PCIF1: variants seen among roughly 807,000 people sequenced by gnomAD.
PCIF1 encodes the protein mRNA (2'-O-methyladenosine-N(6)-)-methyltransferase.
A neutral mutation model predicts 86.9 loss-of-function variants in PCIF1; 12 were observed. The observed-to-expected ratio is 0.14, with a 90% CI of 0.09 to 0.22. PCIF1 has a LOEUF of 0.22. PCIF1 is among the 10% of genes least tolerant of loss of function. PCIF1 has a pLI of 1.00. For synonymous variants in PCIF1, 397 were observed against 372.0 expected (o/e 1.07, Z -0.77); for missense variants, 701 against 951.1 (o/e 0.74, Z 3.46).
At position 45,947,839 on chromosome 20, in the gene PCIF1, G is replaced by A; in HGVS notation, c.*84G>A. On this transcript the variant is annotated 3_prime_UTR_variant, in exon 17 of 17. Transcript: ENST00000372409. The surrounding 1 kb of genome is among the most constrained non-coding windows in gnomAD (Gnocchi z 5.4). ...CCCCTGGGGCCTCAGAGGGACCCCGGCTGCCACTGACATATGAAGATTATG... is the reference window on the plus strand; with the variant it reads ...CCCCTGGGGCCTCAGAGGGACCCCGACTGCCACTGACATATGAAGATTATG... 6.5e-7 allele frequency: 1 copy of A among 1,528,514 alleles called. No homozygotes were observed. 94.7% of individuals were successfully genotyped at this position (1,528,514 alleles called of 1,614,324 possible).
chr20:45,947,274 G>A lies in PCIF1; in HGVS notation c.1719G>A (p.Glu573=). 1 of 1,612,432 alleles carries A rather than the reference G, an allele frequency of 6.2e-7. No homozygotes were observed. The highest frequency in any genetic ancestry group is 1.1e-5 in the South Asian group (1 of 90,982). Residue 573 remains glutamate (E), a synonymous_variant, in exon 16 of 17, where the codon GAG becomes GAA. Transcript: ENST00000372409. This position sits in a 1 kb window ranked among gnomAD's most constrained non-coding sequence, Gnocchi z 5.4. ...GTCCCCTTCCACAGAGACTGCTTGA[G>A]AGCTCACCGGAGCCCCTGTCCTTCA... ...AMVSHFERLL[E]SSPEPLSFIV...
intron 7 of PCIF1, among the ~76,000 whole-genome samples, chr20:45,942,270 G>A (rs551775969): frequency 2.8e-4 from 41 of 145,366 alleles, no homozygotes; most frequent in African/African-American, 1.0e-3. Context: ...TACCGCACCC[G>A]GCCCACCCTT....
In PCIF1 at chr20:45,947,031, C is replaced by G. The variant is rs1209336666; in HGVS notation, c.1614-42C>G. 1 of 1,536,006 alleles carries G rather than the reference C, an allele frequency of 6.5e-7. No homozygotes were observed. Among genetic ancestry groups the G allele is most frequent in the Non-Finnish European group, 8.9e-7 (1 of 1,123,154 alleles). ...GTGGCACCTGTTTCTGGTTGAGGGA[C>G]TGGGTCCTGATGGGACTTAGAATGC... On this transcript the variant is annotated intron_variant, in intron 14 of 16. Coordinates refer to ENST00000372409, the MANE Select transcript of PCIF1 (RefSeq NM_022104.4). This position sits in a 1 kb window ranked among gnomAD's most constrained non-coding sequence, Gnocchi z 5.4.
At chr20:45,946,152 G>A (rs567101298) in intron 13 of PCIF1, 37 bp downstream of exon 13, 2 of 1,614,182 alleles carry the variant, frequency 1.2e-6, no homozygotes, top group South Asian at 1.1e-5. Flanking sequence ...CTCCCCAGGA[G>A]GGAACAGGGA....
chr20:45,935,364 T>C (rs1195568111), intron 1 of PCIF1, among the ~76,000 whole-genome samples: 2 of 152,110 alleles, frequency 1.3e-5, no homozygotes, highest in African/African-American at 2.4e-5. Context: ...CTCTGGCTTC[T>C]GGTGGGTTTT....
intron 3 of PCIF1, 34 bp downstream of exon 3, chr20:45,939,157 T>G (rs1180632453): frequency 1.9e-6 from 3 of 1,613,520 alleles, no homozygotes; most frequent in Non-Finnish European, 2.5e-6. Flanking sequence ...GGTGGTGGGG[T>G]AGGAAGGGCA....
At chr20:45,945,412 GTTC>G (rs1277579764) in intron 11 of PCIF1, among the ~76,000 whole-genome samples, 1 of 152,168 alleles carries the variant, frequency 6.6e-6, no homozygotes, top group African/African-American at 2.4e-5. Flanking sequence ...TGCAGTTCTC[GTTC>G]TTCTGCCTGG....
At chr20:45,938,896 G>A (rs1247825854) in intron 2 of PCIF1, 85 bp from the exon 3 acceptor site, 18 of 1,541,376 alleles carry the variant, frequency 1.2e-5, no homozygotes, top group African/African-American at 5.4e-5. Flanking sequence ...TCTCCACATC[G>A]GTGGGTGGTC....
At chr20:45,935,681 T>G (rs927439689) in intron 1 of PCIF1, among the ~76,000 whole-genome samples, 2 of 152,162 alleles carry the variant, frequency 1.3e-5, no homozygotes, top group African/African-American at 4.8e-5. Flanking sequence ...AATGGGTACA[T>G]TTTTTCAAAT....
Position 45,940,810 on chromosome 20 carries a change from T to C in PCIF1, c.389T>C (p.Ile130Thr), listed in dbSNP as rs1308156442. Residue 130 changes from isoleucine to threonine, a missense_variant and splice_region_variant, in exon 6 of 17, where the codon ATT (isoleucine) becomes ACT (threonine). By Grantham distance (89) the Ile-to-Thr change is moderately conservative. Transcript: ENST00000372409. ...PSGNGVKKPKIEIPVTPTGQS... is the reference protein window; with the variant it reads ...PSGNGVKKPKTEIPVTPTGQS... Reference sequence around the variant, plus strand: ...ACACCTTTGTGACTTTCACTACAGATTGAAATCCCAGTGACACCCACAGGC... The same window carrying C: ...ACACCTTTGTGACTTTCACTACAGACTGAAATCCCAGTGACACCCACAGGC... 2.5e-6 allele frequency: 4 copies of C among 1,613,016 alleles called. No individual in the cohort carries two copies. Among genetic ancestry groups the C allele is most frequent in the Non-Finnish European group, 3.4e-6 (4 of 1,179,440 alleles).
chr20:45,935,144 G>A (rs1200377660), intron 1 of PCIF1, among the ~76,000 whole-genome samples: 1 of 151,020 alleles, frequency 6.6e-6, no homozygotes, highest in Middle Eastern at 3.4e-3. Context: ...GCCGGCGCGC[G>A]CGCGCGCGCC....
At chr20:45,935,078 C>T (rs2083407686) in intron 1 of PCIF1, among the ~76,000 whole-genome samples, 1 of 151,678 alleles carries the variant, frequency 6.6e-6, no homozygotes, top group South Asian at 2.1e-4. Context: ...CTCTGAGTCG[C>T]CTCAGCCCGG....
At chr20:45,935,105 C>T (rs1033582448) in intron 1 of PCIF1, among the ~76,000 whole-genome samples, 3 of 149,844 alleles carry the variant, frequency 2.0e-5, no homozygotes, top group East Asian at 4.1e-4. Flanking sequence ...GAGCGCGCGG[C>T]GGGGCGGGGG....
Position 45,941,258 on chromosome 20 carries a change from G to A in PCIF1, c.673+51G>A, listed in dbSNP as rs1381037854. 3 of 1,547,588 alleles carry A rather than the reference G, an allele frequency of 1.9e-6. No individual in the cohort carries two copies. The African/African-American group carries it at 4.1e-5, about 21-fold the overall frequency. On this transcript the variant is annotated intron_variant, in intron 7 of 16. Transcript: ENST00000372409. ...CTTTATTTCCACCCACCTTTAGCAT[G>A]AGCCAGGTTTGGCCAGGCCAGTTTG...
intron 1 of PCIF1, among the ~76,000 whole-genome samples, chr20:45,936,696 C>G (rs767784674): frequency 3.3e-4 from 50 of 151,786 alleles, no homozygotes; most frequent in Admixed American, 1.5e-3. Context: ...TTTAGGAGGC[C>G]CAGGTGGGTG....
At position 45,941,008 on chromosome 20, in the gene PCIF1, T is replaced by C. The variant is rs769510426; in HGVS notation, c.519-45T>C. 5 of 1,614,026 alleles carry C rather than the reference T, an allele frequency of 3.1e-6. No individual in the cohort carries two copies. In the East Asian group the frequency reaches 1.1e-4, roughly 36 times the overall value. On this transcript the variant is annotated intron_variant, in intron 6 of 16. Transcript: ENST00000372409. ...CAGCCTGTCTGGGACTGTGGGGTGG[T>C]GTGGGTGGGCAGGACATCCTCATCA...
Position 45,947,340 on chromosome 20 carries a change from G to A in PCIF1, c.1785G>A (p.Ala595=), listed in dbSNP as rs766507380. ...AGTGGCGGGAACCCCCAACACCAGC[G>A]CTCACCCGCATGGAGCAGAGCCGCT... ...IPEWREPPTP[A]LTRMEQSRFK... The change falls in exon 16 of 17, where the codon GCG becomes GCA. Residue 595 remains alanine (A), a synonymous_variant. Coordinates refer to ENST00000372409, the MANE Select transcript of PCIF1 (RefSeq NM_022104.4). This position sits in a 1 kb window ranked among gnomAD's most constrained non-coding sequence, Gnocchi z 5.4. 4.3e-6 allele frequency: 7 copies of A among 1,613,814 alleles called. No homozygotes were observed. In the Admixed American group the frequency reaches 5.0e-5, roughly 12 times the overall value.
intron 1 of PCIF1, among the ~76,000 whole-genome samples, chr20:45,935,821 GA>G (rs1381309254): frequency 1.3e-5 from 2 of 149,368 alleles, no homozygotes; most frequent in African/African-American, 5.0e-5. Context: ...ACAGGAGTCT[GA>G]TTTTTTTTTT....
rs748341312 is a variant in PCIF1, at chr20:45,947,735, C to T, written c.2095C>T (p.Arg699Cys). ...CTCGGGCCGTGAGCAGGGTCCTAGC[C>T]GCGAGCCTCACCCCACTTAACATAT... ...RDSGREQGPS[R>C]EPHPT The change falls in exon 17 of 17, where the codon CGC becomes TGC. Residue 699 changes from arginine to cysteine, a missense_variant. Arg to Cys is a radical substitution (Grantham distance 180). Around this residue, in one of 7 missense-constraint regions of PCIF1, gnomAD observed 174 missense variants for 206.9 expected, o/e 0.84. Coordinates refer to ENST00000372409, the MANE Select transcript of PCIF1 (RefSeq NM_022104.4). The surrounding 1 kb of genome is among the most constrained non-coding windows in gnomAD (Gnocchi z 5.4). 5.9e-5 allele frequency: 94 copies of T among 1,601,340 alleles called. No homozygotes were observed. Among genetic ancestry groups the T allele is most frequent in the Middle Eastern group, 3.3e-4 (2 of 6,050 alleles).
Sources: gnomAD v4.1 joint callset for allele counts (sites outside exome capture counted in the v4.1 genomes callset) on GRCh38, gnomAD v4.1.1 for gene constraint, gnomAD v4.1.1 regional missense constraint, Gnocchi (gnomAD v3.1) non-coding constraint, MANE v1.5 for transcripts, NCBI Gene and HGNC (gene_info 2026-07-23, HGNC 2026-07-21) for gene names.